The following CPAP variants were observed in gnomAD, a reference collection of about 807,000 sequenced individuals.
CPAP encodes the protein centrosome assembly and centriole elongation protein.
At chr13:24,916,280 A>AT in the CPAP span, among the ~76,000 whole-genome samples, 48 of 152,302 alleles carry the variant, frequency 3.2e-4, no homozygotes, top group Non-Finnish European at 5.7e-4. Flanking sequence ...TCCAGACACA[A>AT]TTCTAGACTT....
the CPAP span, among the ~76,000 whole-genome samples, chr13:24,910,885 A>G: frequency 6.6e-6 from 1 of 152,176 alleles, no homozygotes; most frequent in East Asian, 1.9e-4. Flanking sequence ...CAAATTCCCT[A>G]AACCATTGTT....
chr13:24,932,601 C>T, the CPAP span, among the ~76,000 whole-genome samples: 2 of 152,166 alleles, frequency 1.3e-5, no homozygotes, highest in Admixed American at 6.5e-5. Flanking sequence ...TTAACAGAAA[C>T]CCACATAATG....
chr13:24,905,681 A>C, the CPAP span: 1 of 1,614,232 alleles, frequency 6.2e-7, no homozygotes, highest in Non-Finnish European at 8.5e-7. Context: ...ACTCAGACTT[A>C]GGGATGAGGA....
chr13:24,911,118 T>C, the CPAP span, among the ~76,000 whole-genome samples: 1 of 152,212 alleles, frequency 6.6e-6, no homozygotes, highest in Non-Finnish European at 1.5e-5. Context: ...ATAATTTTAT[T>C]ATCGGATGTA....
At chr13:24,912,403 T>A in the CPAP span, among the ~76,000 whole-genome samples, 3 of 152,362 alleles carry the variant, frequency 2.0e-5, no homozygotes, top group East Asian at 5.8e-4. Flanking sequence ...AACTTAAAGT[T>A]ATTATAAGTG....
the CPAP span, among the ~76,000 whole-genome samples, chr13:24,894,530 G>T: frequency 7.9e-5 from 12 of 152,356 alleles, no homozygotes; most frequent in Non-Finnish European, 1.6e-4. Flanking sequence ...GCTGCAGGGC[G>T]TGTGGCGAAA....
chr13:24,902,800 G>C, the CPAP span, among the ~76,000 whole-genome samples: 2 of 152,120 alleles, frequency 1.3e-5, no homozygotes, highest in Non-Finnish European at 1.5e-5. Context: ...GAACAAAGAG[G>C]CTGGGAAATT....
chr13:24,892,986 C>T, the CPAP span: 3 of 770,904 alleles, frequency 3.9e-6, no homozygotes, highest in Non-Finnish European at 6.5e-6. Flanking sequence ...AAGGCTTAGT[C>T]AACAGACGAC....
chr13:24,905,355 G>A, the CPAP span: 1 of 1,613,810 alleles, frequency 6.2e-7, no homozygotes, highest in Non-Finnish European at 8.5e-7. Context: ...CCAGGTGGTT[G>A]GTCTTGACTT....
the CPAP span, chr13:24,924,625 A>G: frequency 1.3e-5 from 2 of 152,320 alleles, no homozygotes; most frequent in East Asian, 1.9e-4. Context: ...AGTGGTTCCT[A>G]TCCTTGTTGC....
At chr13:24,891,109 A>G in the CPAP span, among the ~76,000 whole-genome samples, 2 of 152,048 alleles carry the variant, frequency 1.3e-5, no homozygotes, top group South Asian at 2.1e-4. Flanking sequence ...CAAGGCCCAC[A>G]GTTCCTTCTC....
chr13:24,917,707 CT>C, the CPAP span, among the ~76,000 whole-genome samples: 2 of 152,278 alleles, frequency 1.3e-5, no homozygotes, highest in Non-Finnish European at 2.9e-5. Context: ...GGTCCATTTT[CT>C]GCTGCTATAA....
chr13:24,884,486 T>C, the CPAP span: 2 of 1,613,232 alleles, frequency 1.2e-6, no homozygotes, highest in Middle Eastern at 1.6e-4. Flanking sequence ...CACAAGATTA[T>C]CACCTAAGAT....
chr13:24,886,223 TA>T, the CPAP span: 1 of 946,552 alleles, frequency 1.1e-6, no homozygotes, highest in African/African-American at 1.7e-5. Context: ...GATCATATTG[TA>T]AACACTCAAC....
the CPAP span, chr13:24,884,016 A>T: frequency 6.2e-7 from 1 of 1,614,098 alleles, no homozygotes; most frequent in African/African-American, 1.3e-5. Context: ...CTTGTCCATC[A>T]GGAAATAAGT....
At chr13:24,893,138 A>G in the CPAP span, among the ~76,000 whole-genome samples, 1 of 152,216 alleles carries the variant, frequency 6.6e-6, no homozygotes, top group Non-Finnish European at 1.5e-5. Flanking sequence ...AACTGCCAAG[A>G]GGTAGGAAAG....
the CPAP span, chr13:24,925,938 G>C: frequency 6.6e-6 from 1 of 152,622 alleles, no homozygotes; most frequent in South Asian, 2.1e-4. Flanking sequence ...GATTGTTTTT[G>C]CTCCAGGCTT....
At chr13:24,908,295 A>C in the CPAP span, among the ~76,000 whole-genome samples, 1 of 152,008 alleles carries the variant, frequency 6.6e-6, no homozygotes, top group Admixed American at 6.6e-5. Context: ...AGAAACTACA[A>C]AACTCCAATT....
the CPAP span, among the ~76,000 whole-genome samples, chr13:24,924,251 T>C: frequency 6.6e-6 from 1 of 152,086 alleles, no homozygotes; most frequent in Non-Finnish European, 1.5e-5. Flanking sequence ...TCATTTATGA[T>C]AGCCCTTTGG....
Sources: allele counts gnomAD v4.1 joint callset (sites outside exome capture counted in the v4.1 genomes callset), GRCh38; gene constraint gnomAD v4.1.1; transcripts MANE v1.5; gene names NCBI Gene and HGNC (gene_info 2026-07-23, HGNC 2026-07-21).